Variants in PLA2G7 observed in about 807,000 individuals in gnomAD.
PLA2G7 encodes the protein phospholipase A2 group VII, also known as platelet-activating factor acetylhydrolase.
Under a neutral mutation model 49.6 loss-of-function variants are expected in PLA2G7, and 63 were observed. The ratio of observed to expected loss-of-function variants is 1.27; its 90% CI spans 1.04 to 1.57. PLA2G7 has a LOEUF of 1.57. PLA2G7 is among the 40% of genes most tolerant of loss of function. PLA2G7 has a pLI of 0.00. For missense variants in PLA2G7, 596 were observed against 521.2 expected, an observed-to-expected ratio of 1.14 and a Z score of -1.40; for synonymous variants, 193 against 169.9, an observed-to-expected ratio of 1.14 and a Z score of -1.06.
intron 5 of PLA2G7, among the ~76,000 whole-genome samples, chr6:46,713,949 C>A (rs1285325612): frequency 3.3e-5 from 5 of 152,166 alleles, no homozygotes; most frequent in Admixed American, 3.3e-4. Context: ...CTTCCATTGG[C>A]CTGGCTCAAT....
At chr6:46,707,324 T>C (rs1045159799) in intron 10 of PLA2G7, among the ~76,000 whole-genome samples, 1 of 152,192 alleles carries the variant, frequency 6.6e-6, no homozygotes, top group Non-Finnish European at 1.5e-5. Flanking sequence ...GGTGTTTAGA[T>C]TGAAGTAGCA....
In PLA2G7 at chr6:46,704,468, TCTCTCTCTCTCA is replaced by T. The variant is rs774355244; in HGVS notation, c.*80_*91del. 0.13 allele frequency: 52,165 copies of T among 409,852 alleles called. 2,010 individuals carry two copies. The highest frequency in any genetic ancestry group is 0.16 in the Non-Finnish European group (37,920 of 236,796). 25.4% of individuals were successfully genotyped at this position (409,852 alleles called of 1,614,324 possible). A position where few individuals can be genotyped will look rare whatever the true frequency, so the allele number is the denominator to read the frequency against. ...CTCTCTCTCTCTCTCTCTCTCTCTC[TCTCTCTCTCTCA>T]CACACACACACACACACACACACAC... On this transcript the variant is annotated 3_prime_UTR_variant, in exon 12 of 12. Coordinates refer to ENST00000274793, the MANE Select transcript of PLA2G7 (RefSeq NM_005084.4).
chr6:46,710,681 G>A, intron 7 of PLA2G7, 23 bp from the exon 8 acceptor site: 2 of 1,537,560 alleles, frequency 1.3e-6, no homozygotes, highest in East Asian at 4.5e-5. Flanking sequence ...TTAGAAGAAG[G>A]AAATGACAAA....
At chr6:46,714,366 T>C in intron 5 of PLA2G7, 94 bp downstream of exon 5, 1 of 824,170 alleles carries the variant, frequency 1.2e-6, no homozygotes, top group Non-Finnish European at 2.2e-6. Context: ...GACAAGGGCC[T>C]GCATGACATT....
In PLA2G7 at chr6:46,717,034, G is replaced by A. The variant is rs543809195; in HGVS notation, c.172C>T (p.Arg58Trp). The part of the protein sequence containing the change: ...AASFGQTKIP[R>W]GNGPYSVGCT... Reference sequence around the variant, plus strand: ...CCAACGGAATAAGGCCCATTTCCCCGGGGGATTTTAGTTTGGCCAAAGCTT... The same window carrying A: ...CCAACGGAATAAGGCCCATTTCCCCAGGGGATTTTAGTTTGGCCAAAGCTT... The change falls in exon 3 of 12, where the codon CGG (arginine) becomes TGG (tryptophan). Residue 58 changes from arginine (R) to tryptophan (W), a missense_variant. Transcript: ENST00000274793. The A allele has an allele frequency of 1.2e-5, 19 of 1,612,852 alleles. No homozygotes were observed. The highest frequency in any genetic ancestry group is 3.3e-5 in the Admixed American group (2 of 60,002).
intron 2 of PLA2G7, among the ~76,000 whole-genome samples, chr6:46,722,346 C>G (rs1047032597): frequency 1.1e-4 from 17 of 152,136 alleles, no homozygotes; most frequent in Non-Finnish European, 2.4e-4. Context: ...CACTATTAAC[C>G]AGGAGTATGC....
intron 10 of PLA2G7, among the ~76,000 whole-genome samples, chr6:46,706,150 C>G (rs1764818495): frequency 6.6e-6 from 1 of 152,130 alleles, no homozygotes; most frequent in African/African-American, 2.4e-5. Context: ...GTACAGATTC[C>G]TCAGTTCTCA....
In PLA2G7 at chr6:46,719,891, C is replaced by T. The variant is rs45489702; in HGVS notation, c.110-2795G>A. On this transcript the variant is annotated intron_variant, in intron 2 of 11. Transcript: ENST00000274793. Reference sequence around the variant, plus strand: ...GAAGTTTTAGCAGGTCTAACCTCTCCCCAGGTAGATTCAAACCCCAGAAAC... The same window carrying T: ...GAAGTTTTAGCAGGTCTAACCTCTCTCCAGGTAGATTCAAACCCCAGAAAC... Among the ~76,000 whole-genome samples the T allele has an allele frequency of 3.7e-3, 559 of 152,328 alleles. 1 individual carries two copies. Among genetic ancestry groups the T allele is most frequent in the African/African-American group, 0.013 (525 of 41,568 alleles).
rs376170974 is a variant in PLA2G7, at chr6:46,708,633, CAT to C, written c.870-474_870-473del. Among the ~76,000 whole-genome samples the C allele has an allele frequency of 2.2e-4, 34 of 152,198 alleles. No individual in the cohort carries two copies. The South Asian group carries it at 6.8e-3, about 31-fold the overall frequency. On this transcript the variant is annotated intron_variant, in intron 9 of 11. Coordinates refer to ENST00000274793, the MANE Select transcript of PLA2G7 (RefSeq NM_005084.4). ...AAACTGTCTGAGGGTTGAAGAAAAACATATGGAGCATATCATTTGAAGATGAA... is the reference window on the plus strand; with the variant it reads ...AAACTGTCTGAGGGTTGAAGAAAAACATGGAGCATATCATTTGAAGATGAA...
chr6:46,704,478 TCACACA>T lies in PLA2G7; in HGVS notation c.*76_*81del, dbSNP rs367858800. 3,009 of 87,412 alleles carry T rather than the reference TCACACA, an allele frequency of 0.034. 205 individuals carry two copies. The highest frequency in any genetic ancestry group is 0.072 in the African/African-American group (1,100 of 15,302). The allele number at this position is 87,412 out of a possible 1,614,324, so 5.4% of individuals were successfully genotyped here. On this transcript the variant is annotated 3_prime_UTR_variant, in exon 12 of 12. Transcript: ENST00000274793. ...CTCTCTCTCTCTCTCTCTCTCTCTC[TCACACA>T]CACACACACACACACACACACACAC...
chr6:46,723,129 T>C (rs531127492), intron 1 of PLA2G7, among the ~76,000 whole-genome samples: 1 of 152,176 alleles, frequency 6.6e-6, no homozygotes, highest in Non-Finnish European at 1.5e-5. Flanking sequence ...AAGGATTACA[T>C]TGGATTGTAG....
chr6:46,729,488 TAC>T (rs1765668995), intron 1 of PLA2G7, among the ~76,000 whole-genome samples: 1 of 152,212 alleles, frequency 6.6e-6, no homozygotes, highest in Non-Finnish European at 1.5e-5. Context: ...TGTTTGTACA[TAC>T]AGTTACCCTT....
At chr6:46,718,433 G>A (rs1234942711) in intron 2 of PLA2G7, among the ~76,000 whole-genome samples, 1 of 152,222 alleles carries the variant, frequency 6.6e-6, no homozygotes, top group Non-Finnish European at 1.5e-5. Context: ...GTTCACAGGT[G>A]CACAAGTTAA....
rs563285347 is a variant in PLA2G7, at chr6:46,711,242, A to T, written c.663+254T>A. Among the ~76,000 whole-genome samples the T allele has an allele frequency of 2.0e-5, 3 of 152,302 alleles. No individual in the cohort carries two copies. In the South Asian group the frequency reaches 6.2e-4, roughly 32 times the overall value. On this transcript the variant is annotated intron_variant, in intron 7 of 11. Transcript: ENST00000274793. ...GCACTTTTTAGATTCTAAAATTAGA[A>T]GTTTTAATTCAAGGGAATTCTGAAT... is the stretch of plus-strand genomic sequence containing the variant.
chr6:46,716,238 C>T, intron 4 of PLA2G7, 146 bp downstream of exon 4: 1 of 794,918 alleles, frequency 1.3e-6, no homozygotes, highest in South Asian at 1.6e-5. Context: ...GTTGCCTGGG[C>T]TTTAAAGAAA....
chr6:46,724,550 T>G (rs907921618), intron 1 of PLA2G7, among the ~76,000 whole-genome samples: 6 of 152,250 alleles, frequency 3.9e-5, no homozygotes, highest in African/African-American at 1.4e-4. Flanking sequence ...TGTGCTTCCC[T>G]ACATTTCTTA....
At chr6:46,726,815 T>C (rs1443399442) in intron 1 of PLA2G7, among the ~76,000 whole-genome samples, 1 of 152,034 alleles carries the variant, frequency 6.6e-6, no homozygotes, top group Non-Finnish European at 1.5e-5. Flanking sequence ...CTAATTTTTG[T>C]ATTTTTAGTA....
intron 11 of PLA2G7, 66 bp from the exon 12 acceptor site, chr6:46,704,762 T>G (rs1396243818): frequency 4.1e-6 from 4 of 967,148 alleles, no homozygotes; most frequent in South Asian, 1.3e-5. Flanking sequence ...TTGGTGCCCC[T>G]AGGTGGCAAT....
rs1765662311 is a variant in PLA2G7, at chr6:46,729,265, A to G, written c.-35+5915T>C. On this transcript the variant is annotated intron_variant, in intron 1 of 11. Coordinates refer to ENST00000274793, the MANE Select transcript of PLA2G7 (RefSeq NM_005084.4). Reference sequence around the variant, plus strand: ...TATATGCCCCAATATGGAGGAAAATACTAAAAGAAGCCGGAAAAATGATAA... The same window carrying G: ...TATATGCCCCAATATGGAGGAAAATGCTAAAAGAAGCCGGAAAAATGATAA... Among the ~76,000 whole-genome samples, 3 of 152,308 alleles carry G rather than the reference A, an allele frequency of 2.0e-5. No individual in the cohort carries two copies. In the South Asian group the frequency reaches 6.2e-4, roughly 32 times the overall value.
Sources: allele counts gnomAD v4.1 joint callset (sites outside exome capture counted in the v4.1 genomes callset), GRCh38; gene constraint gnomAD v4.1.1; transcripts MANE v1.5; gene names NCBI Gene and HGNC (gene_info 2026-07-23, HGNC 2026-07-21).